AFF1: variants seen among roughly 807,000 people sequenced by gnomAD.
The protein encoded by AFF1 is AF4/FMR2 family member 1.
A neutral mutation model predicts 121.7 loss-of-function variants in AFF1; 48 were observed. The ratio of observed to expected loss-of-function variants is 0.39; its 90% CI spans 0.31 to 0.50. The LOEUF (loss-of-function observed/expected upper bound fraction) is 0.50, where lower values mean the gene tolerates loss of function less well. Among genes scored for constraint, AFF1 ranks in the 20% least tolerant of loss-of-function variants. The pLI, the probability that AFF1 is intolerant of heterozygous loss-of-function variation, is 0.76. For missense variants in AFF1, 1,523 were observed against 1,511.7 expected (o/e 1.01, Z -0.12); for synonymous variants, 613 against 563.0 (o/e 1.09, Z -1.26).
intron 8 of AFF1, among the ~76,000 whole-genome samples, chr4:87,103,744 A>G (rs535290923): frequency 2.6e-5 from 4 of 152,350 alleles, no homozygotes; most frequent in African/African-American, 9.6e-5. Context: ...TTTGGTAGCT[A>G]GAAGAGAAAG....
In AFF1 at chr4:87,138,955, C is replaced by T; in HGVS notation, c.*3254C>T. 4.4e-6 allele frequency: 1 copy of T among 226,476 alleles called. No homozygotes were observed. Among genetic ancestry groups the T allele is most frequent in the East Asian group, 6.4e-5 (1 of 15,698 alleles). The allele number at this position is 226,476 out of a possible 1,614,324, so 14.0% of individuals were successfully genotyped here. A position where few individuals can be genotyped will look rare whatever the true frequency, so the allele number is the denominator to read the frequency against. On this transcript the variant is annotated 3_prime_UTR_variant, in exon 21 of 21. Transcript: ENST00000395146. ...TCAGGATGTTTAGAAAGCTAAAACC[C>T]CCTACCCCTTTCTGGCTGAAAACTT...
chr4:87,042,142 G>A (rs897848828), intron 2 of AFF1, among the ~76,000 whole-genome samples: 1 of 152,072 alleles, frequency 6.6e-6, no homozygotes, highest in Admixed American at 6.5e-5. Context: ...AAACAGTGAT[G>A]TGTATAGGCT....
intron 19 of AFF1, among the ~76,000 whole-genome samples, chr4:87,133,248 A>G (rs1013129203): frequency 4.6e-5 from 7 of 152,238 alleles, no homozygotes; most frequent in African/African-American, 1.7e-4. Flanking sequence ...AGAAAAAAAG[A>G]ATCCTTGTAC....
At chr4:87,031,367 A>G (rs1286796665) in intron 2 of AFF1, among the ~76,000 whole-genome samples, 1 of 151,956 alleles carries the variant, frequency 6.6e-6, no homozygotes, top group South Asian at 2.1e-4. Flanking sequence ...AGGCTCCTCC[A>G]TTTAGAGTTC....
At chr4:87,041,276 G>A (rs1183339361) in intron 2 of AFF1, among the ~76,000 whole-genome samples, 1 of 152,164 alleles carries the variant, frequency 6.6e-6, no homozygotes, top group African/African-American at 2.4e-5. Flanking sequence ...AAACTGATGT[G>A]ATAGTGCCAA....
At chr4:87,020,471 A>T (rs1727784921) in intron 2 of AFF1, among the ~76,000 whole-genome samples, 1 of 152,098 alleles carries the variant, frequency 6.6e-6, no homozygotes, top group Non-Finnish European at 1.5e-5. Flanking sequence ...GCAAATGTTG[A>T]TGCCATGTTT....
chr4:87,062,350 CCCCTTTATA>C (rs1185783252), intron 4 of AFF1, among the ~76,000 whole-genome samples: 3 of 152,078 alleles, frequency 2.0e-5, no homozygotes, highest in African/African-American at 7.2e-5. Flanking sequence ...CTCCCTCAAA[CCCCTTTATA>C]CAGGCACTGA....
intron 4 of AFF1, among the ~76,000 whole-genome samples, chr4:87,051,680 G>C (rs1454158447): frequency 1.3e-5 from 2 of 151,968 alleles, no homozygotes; most frequent in African/African-American, 2.4e-5. Flanking sequence ...ATGTTGGCCA[G>C]GATGGTCTCA....
chr4:87,119,031 T>A (rs927364642), intron 12 of AFF1, among the ~76,000 whole-genome samples: 2 of 68,694 alleles, frequency 2.9e-5, no homozygotes, highest in Non-Finnish European at 5.7e-5. Flanking sequence ...TTACTTTCAT[T>A]TTCCACACAG....
intron 4 of AFF1, among the ~76,000 whole-genome samples, chr4:87,063,256 T>TTTTTTTA (rs869168821): frequency 7.4e-6 from 1 of 134,552 alleles, no homozygotes; most frequent in Non-Finnish European, 1.6e-5. Context: ...TTTTTTTTTT[T>TTTTTTTA]GAGACAGAGT....
intron 16 of AFF1, among the ~76,000 whole-genome samples, chr4:87,128,641 A>G (rs1447363528): frequency 6.6e-6 from 1 of 152,214 alleles, no homozygotes; most frequent in Non-Finnish European, 1.5e-5. Flanking sequence ...CCAGCCCGCA[A>G]GATCCTGGCC....
At chr4:86,984,016 G>A (rs1183519134) in intron 2 of AFF1, among the ~76,000 whole-genome samples, 1 of 152,000 alleles carries the variant, frequency 6.6e-6, no homozygotes, top group African/African-American at 2.4e-5. Context: ...CAGCCTGGGT[G>A]ACAGAGCGAG....
chr4:87,047,478 C>G lies in AFF1; in HGVS notation c.943C>G (p.Pro315Ala). 1.9e-6 allele frequency: 3 copies of G among 1,614,178 alleles called. No homozygotes were observed. Among genetic ancestry groups the G allele is most frequent in the Non-Finnish European group, 2.5e-6 (3 of 1,180,036 alleles). ...DGQDQAPSESPELKPLPEDYR... is the reference protein window; with the variant it reads ...DGQDQAPSESAELKPLPEDYR... ...TCAAGATCAGGCCCCTAGTGAATCCCCTGAACTGAAACCACTGCCGGAGGA... is the reference window on the plus strand; with the variant it reads ...TCAAGATCAGGCCCCTAGTGAATCCGCTGAACTGAAACCACTGCCGGAGGA... Residue 315 changes from proline (P) to alanine (A), a missense_variant, in exon 4 of 21, where the codon CCT becomes GCT. Pro to Ala is a conservative substitution (Grantham distance 27). Transcript: ENST00000395146.
At chr4:87,107,565 T>A (rs572062559) in intron 10 of AFF1, among the ~76,000 whole-genome samples, 1 of 152,320 alleles carries the variant, frequency 6.6e-6, no homozygotes, top group African/African-American at 2.4e-5. Flanking sequence ...CATTTATATT[T>A]AGTGGTCTTT....
intron 2 of AFF1, chr4:86,949,605 C>T: frequency 7.6e-7 from 1 of 1,322,770 alleles, no homozygotes; most frequent in South Asian, 1.3e-5. Context: ...GAGCTGTGGG[C>T]CCCACTCCTC....
At chr4:87,012,933 T>G (rs1344575499) in intron 2 of AFF1, among the ~76,000 whole-genome samples, 1 of 152,084 alleles carries the variant, frequency 6.6e-6, no homozygotes, top group East Asian at 1.9e-4. Flanking sequence ...CCAACAGACC[T>G]GGCATCTTGA....
chr4:86,941,393 C>A (rs1391123230), intron 1 of AFF1, among the ~76,000 whole-genome samples: 1 of 151,966 alleles, frequency 6.6e-6, no homozygotes, highest in Non-Finnish European at 1.5e-5. Context: ...CGCAGTGGGT[C>A]ACGCCTGTAA....
intron 8 of AFF1, among the ~76,000 whole-genome samples, chr4:87,098,830 T>C (rs1396480630): frequency 6.6e-6 from 1 of 152,220 alleles, no homozygotes; most frequent in African/African-American, 2.4e-5. Context: ...GAGATTGGGA[T>C]TGTCCCTCGA....
chr4:87,031,507 C>T (rs1365856578), intron 2 of AFF1, among the ~76,000 whole-genome samples: 1 of 151,790 alleles, frequency 6.6e-6, no homozygotes, highest in African/African-American at 2.4e-5. Flanking sequence ...AATCCCTCAC[C>T]TTTTTATCCC....
Sources: gnomAD v4.1 joint callset for allele counts (sites outside exome capture counted in the v4.1 genomes callset) on GRCh38, gnomAD v4.1.1 for gene constraint, MANE v1.5 for transcripts, NCBI Gene and HGNC (gene_info 2026-07-23, HGNC 2026-07-21) for gene names.